Variants in APBB2 observed in about 807,000 individuals in gnomAD.
APBB2 encodes the protein Fe65-like 1.
In APBB2, 38 loss-of-function variants were observed where a neutral mutation model predicts 82.5. That is an observed-to-expected ratio of 0.46 (90% confidence interval 0.36 to 0.60). APBB2 has a LOEUF of 0.60. Ranked by LOEUF, APBB2 falls within the 20% of genes least tolerant of loss-of-function variation. The pLI is 0.00. For missense variants in APBB2, 772 were observed against 972.3 expected, an observed-to-expected ratio of 0.79 and a Z score of 2.74; for synonymous variants, 341 against 368.2, an observed-to-expected ratio of 0.93 and a Z score of 0.85.
chr4:40,883,830 G>T (rs1769424308), intron 12 of APBB2, among the ~76,000 whole-genome samples: 1 of 152,070 alleles, frequency 6.6e-6, no homozygotes, highest in Non-Finnish European at 1.5e-5. Flanking sequence ...ATGAAGAGCT[G>T]GGCTGTGCTG....
intron 1 of APBB2, among the ~76,000 whole-genome samples, chr4:41,209,480 G>A (rs1363729039): frequency 1.3e-5 from 2 of 152,228 alleles, no homozygotes; most frequent in East Asian, 1.9e-4. Context: ...GAGAGTGAAA[G>A]TCGTATTCCA....
intron 6 of APBB2, among the ~76,000 whole-genome samples, chr4:40,962,161 T>C (rs1472842301): frequency 2.0e-5 from 3 of 152,200 alleles, no homozygotes; most frequent in African/African-American, 7.2e-5. Context: ...TTTTCAAAGA[T>C]GCAGGGGCTA....
rs1450494711 is a variant in APBB2 at position 40,812,391 on chromosome 4, C to T, written c.*3701G>A. 2 of 152,154 alleles carry T rather than the reference C, an allele frequency of 1.3e-5. No homozygotes were observed. Among genetic ancestry groups the T allele is most frequent in the Non-Finnish European group, 1.5e-5 (1 of 68,028 alleles). The allele number at this position is 152,154 out of a possible 1,614,324, so 9.4% of individuals were successfully genotyped here. On this transcript the variant is annotated 3_prime_UTR_variant, in exon 18 of 18. Transcript: ENST00000508593. ...GAAAAGGGCATAAAGGAAAACAAAG[C>T]GTTCTTTCAGGGGAAGTAAGCTGCT...
intron 10 of APBB2, among the ~76,000 whole-genome samples, chr4:40,924,831 G>T (rs1225454238): frequency 1.3e-5 from 2 of 152,222 alleles, no homozygotes; most frequent in Non-Finnish European, 2.9e-5. Context: ...TAGCACGCAG[G>T]AACAGATAAC....
Position 40,858,368 on chromosome 4 carries a change from T to A in APBB2, c.1530-27791A>T, listed in dbSNP as rs555735385. Among the ~76,000 whole-genome samples, 316 of 147,420 alleles carry A rather than the reference T, an allele frequency of 2.1e-3. 3 individuals are homozygous for A. The highest frequency in any genetic ancestry group is 7.7e-3 in the African/African-American group (302 of 39,472). ...AAATAGGGAGGCTGAGGCAGGAGAA[T>A]TGCTTGAACCTGGGAGGTGGAGGTT... On this transcript the variant is annotated intron_variant, in intron 12 of 17. Coordinates refer to ENST00000508593, the MANE Select transcript of APBB2 (RefSeq NM_004307.2).
At chr4:40,995,025 T>C (rs1265291254) in intron 6 of APBB2, among the ~76,000 whole-genome samples, 2 of 151,878 alleles carry the variant, frequency 1.3e-5, no homozygotes, top group Non-Finnish European at 1.5e-5. Context: ...CTTCAAGGAT[T>C]CTAGGTCCCA....
intron 2 of APBB2, among the ~76,000 whole-genome samples, chr4:41,123,195 T>G (rs1753385552): frequency 6.6e-6 from 1 of 151,868 alleles, no homozygotes; most frequent in Non-Finnish European, 1.5e-5. Context: ...GAATGTAGGG[T>G]CCCCAAGGAG....
intron 12 of APBB2, among the ~76,000 whole-genome samples, chr4:40,889,588 A>G (rs1771371393): frequency 6.6e-6 from 1 of 152,238 alleles, no homozygotes; most frequent in South Asian, 2.1e-4. Flanking sequence ...GAATTGCCAA[A>G]GACTGACTAT....
At chr4:40,897,560 C>A (rs935913578) in intron 10 of APBB2, among the ~76,000 whole-genome samples, 4 of 152,050 alleles carry the variant, frequency 2.6e-5, no homozygotes, top group Non-Finnish European at 5.9e-5. Context: ...TGAATATAAG[C>A]CTGACATATT....
rs139720422 is a variant in APBB2 at position 40,887,972 on chromosome 4, G to A, written c.1529+2392C>T. On this transcript the variant is annotated intron_variant, in intron 12 of 17. Transcript: ENST00000508593. ...GCTCTTCCTGCTTTGTAGGACAACT[G>A]AACTCATTAGGGTCTGGAACAGCCG... 9.7e-4 allele frequency among the ~76,000 whole-genome samples: 148 copies of A among 152,254 alleles called. 1 individual carries two copies. Among genetic ancestry groups the A allele is most frequent in the African/African-American group, 3.4e-3 (143 of 41,530 alleles).
chr4:40,885,086 G>A (rs1769831652), intron 12 of APBB2, among the ~76,000 whole-genome samples: 1 of 152,238 alleles, frequency 6.6e-6, no homozygotes, highest in South Asian at 2.1e-4. Flanking sequence ...GGTAAACACT[G>A]AACCTGAATA....
intron 17 of APBB2, 105 bp from the exon 18 acceptor site, chr4:40,816,364 C>T (rs889236611): frequency 3.5e-6 from 4 of 1,150,064 alleles, no homozygotes; most frequent in Admixed American, 2.2e-5. Context: ...CAAAGGTTAA[C>T]GACCTAGTTC....
intron 1 of APBB2, among the ~76,000 whole-genome samples, chr4:41,150,288 A>T (rs1761908753): frequency 6.6e-6 from 1 of 152,228 alleles, no homozygotes; most frequent in Non-Finnish European, 1.5e-5. Context: ...GTCTATTTAG[A>T]GCATTGGGGA....
chr4:41,075,072 G>A lies in APBB2; in HGVS notation c.-148-9399C>T, dbSNP rs141311346. The stretch of plus-strand genomic sequence containing the variant: ...TGCTTGAGCCCAGGAGGGCGATGCT[G>A]CAATGAGTCATGTTTGTGACAATGC... On this transcript the variant is annotated intron_variant, in intron 3 of 17. Transcript: ENST00000508593. Among the ~76,000 whole-genome samples the A allele has an allele frequency of 4.2e-3, 639 of 152,238 alleles. 1 individual carries two copies. The highest frequency in any genetic ancestry group is 0.017 in the Middle Eastern group (5 of 294).
intron 6 of APBB2, among the ~76,000 whole-genome samples, chr4:40,964,973 A>T (rs187626896): frequency 1.9e-3 from 282 of 152,254 alleles, no homozygotes; most frequent in African/African-American, 6.4e-3. Flanking sequence ...ATAAAAAATT[A>T]GCTGGGCGTG....
chr4:41,176,902 C>T lies in APBB2; in HGVS notation c.-416-33760G>A, dbSNP rs537965929. Among the ~76,000 whole-genome samples the T allele has an allele frequency of 3.5e-3, 525 of 151,992 alleles. 1 individual carries two copies. The highest frequency in any genetic ancestry group is 0.01 in the Middle Eastern group (3 of 294). ...TTGAAAACAGCCAGAGCATGCCTTA[C>T]ACCTCTACTTCAGGACTTAGCTGAA... On this transcript the variant is annotated intron_variant, in intron 1 of 17. Transcript: ENST00000508593.
chr4:40,839,778 C>T (rs770082843), intron 12 of APBB2, among the ~76,000 whole-genome samples: 11 of 151,930 alleles, frequency 7.2e-5, no homozygotes, highest in Non-Finnish European at 1.5e-4. Flanking sequence ...AATTCTCCTG[C>T]CTCAGCCTCC....
At chr4:41,038,893 C>T (rs1197869930) in intron 4 of APBB2, among the ~76,000 whole-genome samples, 1 of 152,178 alleles carries the variant, frequency 6.6e-6, no homozygotes, top group African/African-American at 2.4e-5. Context: ...CAGATGCTCA[C>T]CTATGTGTAG....
intron 12 of APBB2, among the ~76,000 whole-genome samples, chr4:40,881,718 G>C (rs773364294): frequency 5.3e-5 from 8 of 151,526 alleles, no homozygotes; most frequent in Admixed American, 1.3e-4. Flanking sequence ...ATTTTTAGTA[G>C]AGATGGGGTT....
Sources: allele counts gnomAD v4.1 joint callset (sites outside exome capture counted in the v4.1 genomes callset), GRCh38; gene constraint gnomAD v4.1.1; transcripts MANE v1.5; gene names NCBI Gene and HGNC (gene_info 2026-07-23, HGNC 2026-07-21).